RBFOX1: variants seen among roughly 807,000 people sequenced by gnomAD.
The protein encoded by RBFOX1 is RNA binding fox-1 homolog 1, also known as RNA binding protein fox-1 homolog 1.
Under a neutral mutation model 57.7 loss-of-function variants are expected in RBFOX1, and 8 were observed. The observed-to-expected ratio is 0.14, with a 90% CI of 0.08 to 0.25. The LOEUF is 0.25. Ranked by LOEUF, RBFOX1 falls within the 10% of genes least tolerant of loss-of-function variation. The pLI is 1.00. For synonymous variants in RBFOX1, 326 were observed against 222.4 expected (o/e 1.47, Z -4.15); for missense variants, 611 against 548.5 (o/e 1.11, Z -1.14).
At chr16:6,418,993 C>G (rs2093701981) in intron 2 of RBFOX1, among the ~76,000 whole-genome samples, 3 of 152,160 alleles carry the variant, frequency 2.0e-5, no homozygotes, top group Non-Finnish European at 4.4e-5. Context: ...GAAACTTTTC[C>G]CCAGAACAGA....
At chr16:5,485,345 C>CAAAAAAAAAAAAAAAAAAGA (rs2069692681) in intron 2 of RBFOX1, among the ~76,000 whole-genome samples, 1 of 51,692 alleles carries the variant, frequency 1.9e-5, no homozygotes, top group Non-Finnish European at 3.5e-5. Flanking sequence ...GACTCCGTGT[C>CAAAAAAAAAAAAAAAAAAGA]AAAAAAAAAA....
chr16:5,737,821 T>G (rs1017676294), intron 3 of RBFOX1, among the ~76,000 whole-genome samples: 1 of 152,164 alleles, frequency 6.6e-6, no homozygotes, highest in South Asian at 2.1e-4. Flanking sequence ...AGTCTGGTTT[T>G]AAAAATTTGT....
chr16:7,333,454 C>G (rs1603623730), intron 4 of RBFOX1, among the ~76,000 whole-genome samples: 2 of 152,174 alleles, frequency 1.3e-5, no homozygotes, highest in African/African-American at 4.8e-5. Context: ...TGAGGTGACT[C>G]AGTTAAGAGC....
chr16:6,173,000 A>T (rs972468286), intron 1 of RBFOX1, among the ~76,000 whole-genome samples: 3 of 152,148 alleles, frequency 2.0e-5, no homozygotes, highest in African/African-American at 7.2e-5. Flanking sequence ...CTTCGAAGCC[A>T]GGGATGTAGC....
At chr16:6,757,683 A>C (rs995361662) in intron 3 of RBFOX1, among the ~76,000 whole-genome samples, 3 of 152,126 alleles carry the variant, frequency 2.0e-5, no homozygotes, top group Non-Finnish European at 2.9e-5. Flanking sequence ...GCTGATTAAT[A>C]AGTACAAACA....
At chr16:5,988,849 G>A (rs1233098720) in intron 4 of RBFOX1, among the ~76,000 whole-genome samples, 1 of 152,098 alleles carries the variant, frequency 6.6e-6, no homozygotes, top group Non-Finnish European at 1.5e-5. Flanking sequence ...CAGAGAGTAT[G>A]AAACACAGCT....
intron 1 of RBFOX1, among the ~76,000 whole-genome samples, chr16:6,138,010 C>T (rs2096681176): frequency 6.6e-6 from 1 of 152,316 alleles, no homozygotes; most frequent in Admixed American, 6.5e-5. Context: ...TCCAACTTAT[C>T]AGGACTGGAG....
intron 3 of RBFOX1, among the ~76,000 whole-genome samples, chr16:7,022,254 T>C (rs892777784): frequency 6.6e-6 from 1 of 151,016 alleles, no homozygotes; most frequent in Non-Finnish European, 1.5e-5. Flanking sequence ...GATTTCACCA[T>C]GTTGGCCAGG....
intron 3 of RBFOX1, among the ~76,000 whole-genome samples, chr16:7,033,533 A>G (rs1206639759): frequency 2.0e-5 from 3 of 152,138 alleles, no homozygotes; most frequent in Admixed American, 1.3e-4. Flanking sequence ...AACTGAAAAC[A>G]ATGGTGAATG....
chr16:7,290,835 C>A (rs1038509040), intron 4 of RBFOX1, among the ~76,000 whole-genome samples: 8 of 152,296 alleles, frequency 5.3e-5, no homozygotes, highest in African/African-American at 1.9e-4. Context: ...TTATCTAAGC[C>A]TTCTGAGTCT....
At chr16:6,983,790 C>A (rs1163457819) in intron 3 of RBFOX1, 1 of 152,396 alleles carries the variant, frequency 6.6e-6, no homozygotes, top group African/African-American at 2.4e-5. Flanking sequence ...GCATGCACTA[C>A]TTGTGCCTAG....
chr16:7,477,889 C>G (rs1207330844), intron 4 of RBFOX1, among the ~76,000 whole-genome samples: 5 of 152,180 alleles, frequency 3.3e-5, no homozygotes, highest in Admixed American at 2.6e-4. Context: ...GCAGCAGAGT[C>G]TAACAAAGAC....
At chr16:6,018,800 G>T (rs2095017380), upstream of RBFOX1, among the ~76,000 whole-genome samples, 1 of 152,092 alleles carries the variant, frequency 6.6e-6, no homozygotes, top group Admixed American at 6.5e-5. Flanking sequence ...CTCAATGAGT[G>T]AGCCCACCTG....
chr16:7,095,800 C>T (rs534170031), intron 4 of RBFOX1, among the ~76,000 whole-genome samples: 2 of 152,148 alleles, frequency 1.3e-5, no homozygotes, highest in African/African-American at 4.8e-5. Context: ...ATCATGAGGT[C>T]AGGAGATCGA....
At chr16:7,073,254 T>C (rs988169499) in intron 4 of RBFOX1, among the ~76,000 whole-genome samples, 4 of 152,196 alleles carry the variant, frequency 2.6e-5, no homozygotes, top group Non-Finnish European at 4.4e-5. Context: ...TGAGACTATT[T>C]TACCTGCAAA....
At position 7,046,715 on chromosome 16, in the gene RBFOX1, C is replaced by G. The variant is rs548083392; in HGVS notation, c.-15-5342C>G. Among the ~76,000 whole-genome samples the G allele has an allele frequency of 4.0e-5, 6 of 149,078 alleles. No homozygotes were observed. The East Asian group carries it at 1.2e-3, about 30-fold the overall frequency. ...CCGTCTCCTGGGTTCAAACGATTCT[C>G]CTGCCTCAGCCTCCCAAATAGCTGG... On this transcript the variant is annotated intron_variant, in intron 3 of 15. Transcript: ENST00000550418.
chr16:7,551,106 G>GA (rs56961445), intron 5 of RBFOX1, among the ~76,000 whole-genome samples: 5 of 135,434 alleles, frequency 3.7e-5, no homozygotes, highest in African/African-American at 8.2e-5. Context: ...AAAAAAAAAA[G>GA]AAAAAAAAAG....
intron 2 of RBFOX1, among the ~76,000 whole-genome samples, chr16:6,412,875 G>A (rs747927426): frequency 2.0e-5 from 3 of 152,162 alleles, no homozygotes; most frequent in Non-Finnish European, 4.4e-5. Flanking sequence ...GGCATTTGTT[G>A]AGTCTCTCTT....
chr16:7,259,109 C>T (rs2094814801), intron 4 of RBFOX1, among the ~76,000 whole-genome samples: 1 of 152,170 alleles, frequency 6.6e-6, no homozygotes, highest in Admixed American at 6.5e-5. Context: ...GCAATTTAAC[C>T]TGGTTGACCA....
Sources: gnomAD v4.1 joint callset for allele counts (sites outside exome capture counted in the v4.1 genomes callset) on GRCh38, gnomAD v4.1.1 for gene constraint, MANE v1.5 for transcripts, NCBI Gene and HGNC (gene_info 2026-07-23, HGNC 2026-07-21) for gene names.